LEMD3: variants seen among roughly 807,000 people sequenced by gnomAD.
LEMD3 encodes the protein LEM domain containing 3.
In LEMD3, 33 loss-of-function variants were observed where a neutral mutation model predicts 95.2. The ratio of observed to expected loss-of-function variants is 0.35; its 90% CI spans 0.26 to 0.46. The LOEUF (loss-of-function observed/expected upper bound fraction) is 0.46, where lower values mean the gene tolerates loss of function less well. Among genes scored for constraint, LEMD3 ranks in the 20% least tolerant of loss-of-function variants. LEMD3 has a pLI of 1.00. For missense variants in LEMD3, 1,210 were observed against 1,192.8 expected (o/e 1.01, Z -0.21); for synonymous variants, 525 against 474.6 (o/e 1.11, Z -1.38).
At chr12:65,225,475 T>A (rs1401933294) in intron 4 of LEMD3, among the ~76,000 whole-genome samples, 1 of 152,146 alleles carries the variant, frequency 6.6e-6, no homozygotes, top group African/African-American at 2.4e-5. Context: ...ATTAGAGAAG[T>A]TTTGCTGGTT....
At chr12:65,214,106 C>G (rs1046016790) in intron 2 of LEMD3, among the ~76,000 whole-genome samples, 1 of 152,062 alleles carries the variant, frequency 6.6e-6, no homozygotes, top group African/African-American at 2.4e-5. Flanking sequence ...CGCTCTGTCA[C>G]CAGGCTGGAG....
chr12:65,214,990 A>G (rs1432682207), intron 2 of LEMD3, among the ~76,000 whole-genome samples: 1 of 152,154 alleles, frequency 6.6e-6, no homozygotes, highest in Middle Eastern at 3.2e-3. Context: ...GCCAGCCTAT[A>G]CATTGTACAT....
At chr12:65,241,218 A>G (rs1870929357) in intron 9 of LEMD3, 131 bp downstream of exon 9, 1 of 761,352 alleles carries the variant, frequency 1.3e-6, no homozygotes, top group Non-Finnish European at 2.2e-6. Flanking sequence ...CGTAGAAGGA[A>G]TCAGTGTTAG....
chr12:65,179,601 T>C (rs1375096805), intron 1 of LEMD3, among the ~76,000 whole-genome samples: 2 of 152,132 alleles, frequency 1.3e-5, no homozygotes, highest in Non-Finnish European at 2.9e-5. Context: ...ATAATCTAAA[T>C]TCGAATGAAG....
chr12:65,181,986 T>G (rs549037945), intron 1 of LEMD3, among the ~76,000 whole-genome samples: 26 of 152,264 alleles, frequency 1.7e-4, no homozygotes, highest in African/African-American at 6.3e-4. Context: ...TTGAGAATTT[T>G]CAATGTGTGT....
chr12:65,198,433 C>T (rs1015641724), intron 1 of LEMD3, among the ~76,000 whole-genome samples: 3 of 152,030 alleles, frequency 2.0e-5, no homozygotes, highest in African/African-American at 7.2e-5. Flanking sequence ...ATAAAAATTA[C>T]AAAAATAATT....
chr12:65,187,499 C>A (rs1211953127), intron 1 of LEMD3, among the ~76,000 whole-genome samples: 2 of 151,964 alleles, frequency 1.3e-5, no homozygotes, highest in Non-Finnish European at 2.9e-5. Context: ...AATCTGACTC[C>A]CACTATGGGA....
intron 4 of LEMD3, among the ~76,000 whole-genome samples, chr12:65,219,686 A>G (rs1592452072): frequency 1.3e-5 from 2 of 152,218 alleles, no homozygotes; most frequent in Non-Finnish European, 2.9e-5. Context: ...CTGAAACTCT[A>G]TAGCCATTGC....
intron 10 of LEMD3, among the ~76,000 whole-genome samples, chr12:65,244,412 A>G (rs1309209501): frequency 1.3e-5 from 2 of 151,942 alleles, no homozygotes; most frequent in East Asian, 1.9e-4. Context: ...CCACTATTTT[A>G]TTACCTAAGA....
chr12:65,227,400 T>G (rs1030028831), intron 4 of LEMD3, among the ~76,000 whole-genome samples: 3 of 152,150 alleles, frequency 2.0e-5, no homozygotes, highest in African/African-American at 7.2e-5. Flanking sequence ...TCATTGCTTT[T>G]CAGAAGAATG....
chr12:65,171,500 C>A, intron 1 of LEMD3: 1 of 241,898 alleles, frequency 4.1e-6, no homozygotes, highest in South Asian at 5.4e-5. Flanking sequence ...AGTGTTTTTC[C>A]AAATTGAGTT....
chr12:65,239,725 G>A (rs958125590), intron 6 of LEMD3, among the ~76,000 whole-genome samples: 2 of 152,060 alleles, frequency 1.3e-5, no homozygotes, highest in Non-Finnish European at 2.9e-5. Flanking sequence ...ACTTATCAGT[G>A]TAATGGAAGA....
rs768448792 is a variant in LEMD3, at chr12:65,240,252, A to G, written c.2126+14A>G. 9.0e-6 allele frequency: 14 copies of G among 1,563,612 alleles called. No individual in the cohort carries two copies. The Admixed American group carries it at 2.2e-4, about 24-fold the overall frequency. On this transcript the variant is annotated intron_variant, in intron 8 of 12. Coordinates refer to ENST00000308330, the MANE Select transcript of LEMD3 (RefSeq NM_014319.5). ...GCCTCATGACAGGTGTGTTCAAAGC[A>G]TTATGAGTTCAAGTAAATCAGAAAA...
chr12:65,239,313 T>G (rs912170548), intron 6 of LEMD3, among the ~76,000 whole-genome samples: 1 of 152,120 alleles, frequency 6.6e-6, no homozygotes, highest in Non-Finnish European at 1.5e-5. Flanking sequence ...CCCAGCACTT[T>G]GGGAGGCAGG....
intron 4 of LEMD3, among the ~76,000 whole-genome samples, chr12:65,234,379 T>C (rs894522465): frequency 3.3e-5 from 5 of 152,228 alleles, no homozygotes; most frequent in Non-Finnish European, 5.9e-5. Context: ...CAGTTTAAAC[T>C]GTTAAAATCA....
intron 10 of LEMD3, among the ~76,000 whole-genome samples, chr12:65,243,839 C>A (rs1210107401): frequency 6.6e-6 from 1 of 152,164 alleles, no homozygotes; most frequent in Non-Finnish European, 1.5e-5. Context: ...ACAATCACTG[C>A]TGCTTACAAA....
At chr12:65,223,059 A>G (rs1870340933) in intron 4 of LEMD3, among the ~76,000 whole-genome samples, 1 of 151,982 alleles carries the variant, frequency 6.6e-6, no homozygotes, top group Non-Finnish European at 1.5e-5. Flanking sequence ...CTAACATATG[A>G]TCTGATTTGG....
rs371485270 is a variant in LEMD3, at chr12:65,238,550, A to G, written c.1744A>G (p.Ile582Val). The G allele has an allele frequency of 1.9e-6, 3 of 1,612,142 alleles. No homozygotes were observed. The highest frequency in any genetic ancestry group is 4.5e-5 in the East Asian group (2 of 44,828). ...TATATTTAACACTTCATTGCAGTGG[A>G]TCTTAGAAAATGGAAAAGATGTTGG... ...EGIFNTSLQW[I>V]LENGKDVGIR... The change falls in exon 5 of 13, where the codon ATC (isoleucine) becomes GTC (valine). Residue 582 changes from isoleucine (I) to valine (V), a missense_variant. Physicochemically the swap from Ile to Val is conservative, Grantham distance 29. This residue lies in a region of LEMD3 where 461 missense variants were observed against 569.8 expected (regional missense o/e 0.81). Coordinates refer to ENST00000308330, the MANE Select transcript of LEMD3 (RefSeq NM_014319.5).
At chr12:65,240,480 G>T in intron 8 of LEMD3, 2 of 501,118 alleles carry the variant, frequency 4.0e-6, no homozygotes, top group South Asian at 5.3e-5. Flanking sequence ...TTGATTCTTT[G>T]TTGTTAGTCT....
Sources: gnomAD v4.1 joint callset for allele counts (sites outside exome capture counted in the v4.1 genomes callset) on GRCh38, gnomAD v4.1.1 for gene constraint, gnomAD v4.1.1 regional missense constraint, MANE v1.5 for transcripts, NCBI Gene and HGNC (gene_info 2026-07-23, HGNC 2026-07-21) for gene names.